The following MYO3B variants were observed in gnomAD, a reference collection of about 807,000 sequenced individuals.
MYO3B encodes myosin IIIB, also known as myosin-IIIb.
A neutral mutation model predicts 174.6 loss-of-function variants in MYO3B; 156 were observed. The observed-to-expected ratio is 0.89, with a 90% CI of 0.78 to 1.02. MYO3B has a LOEUF of 1.02. Among genes scored for constraint, MYO3B ranks in the 50% least tolerant of loss-of-function variants. MYO3B has a pLI of 0.00. For synonymous variants in MYO3B, 563 were observed against 569.1 expected (o/e 0.99, Z 0.15); for missense variants, 1,632 against 1,639.4 (o/e 1.00, Z 0.08).
chr2:170,600,989 C>T (rs1332171374), intron 32 of MYO3B, among the ~76,000 whole-genome samples: 1 of 152,148 alleles, frequency 6.6e-6, no homozygotes, highest in Non-Finnish European at 1.5e-5. Flanking sequence ...TGAAAACTGT[C>T]TCAACTTAAC....
At chr2:170,413,376 G>T (rs2094557894) in intron 22 of MYO3B, among the ~76,000 whole-genome samples, 1 of 152,174 alleles carries the variant, frequency 6.6e-6, no homozygotes, top group African/African-American at 2.4e-5. Context: ...GGACAAGGAG[G>T]AAAGACCTCT....
chr2:170,201,478 G>C (rs936152379), intron 3 of MYO3B, among the ~76,000 whole-genome samples: 1 of 152,204 alleles, frequency 6.6e-6, no homozygotes, highest in African/African-American at 2.4e-5. Context: ...GGGAGGGCCT[G>C]AGCCTGGGAC....
intron 25 of MYO3B, among the ~76,000 whole-genome samples, chr2:170,489,634 G>GGTGTGTGTGTGTGTGTGTGTGTGTGT (rs369174830): frequency 1.7e-3 from 240 of 139,380 alleles, no homozygotes; most frequent in Middle Eastern, 3.6e-3. Context: ...AACCAGTAGG[G>GGTGTGTGTGTGTGTGTGTGTGTGTGT]GTGTGTGTGT....
intron 7 of MYO3B, among the ~76,000 whole-genome samples, chr2:170,244,948 T>C (rs750129490): frequency 5.9e-5 from 9 of 152,046 alleles, no homozygotes; most frequent in Non-Finnish European, 1.3e-4. Context: ...AAAGATTGTG[T>C]TGAGGAACAC....
chr2:170,412,711 C>T lies in MYO3B; in HGVS notation c.2650+4867C>T, dbSNP rs1383574748. Among the ~76,000 whole-genome samples the T allele has an allele frequency of 2.0e-5, 3 of 152,202 alleles. No homozygotes were observed. The East Asian group carries it at 5.8e-4, about 29-fold the overall frequency. ...AGAGCGCCTTTTGGTATCCATCTCT[C>T]AGTTTCCATTTTCCACTTATGGCTG... is the stretch of plus-strand genomic sequence containing the variant. On this transcript the variant is annotated intron_variant, in intron 22 of 34. Transcript: ENST00000408978.
At chr2:170,289,827 G>A (rs2093583922) in intron 7 of MYO3B, among the ~76,000 whole-genome samples, 1 of 151,878 alleles carries the variant, frequency 6.6e-6, no homozygotes, top group East Asian at 1.9e-4. Context: ...TTGATTATAG[G>A]CATTTACTGC....
intron 7 of MYO3B, among the ~76,000 whole-genome samples, chr2:170,268,744 A>G (rs975749879): frequency 5.3e-5 from 8 of 152,140 alleles, no homozygotes; most frequent in African/African-American, 1.9e-4. Flanking sequence ...GAAAGAAAAT[A>G]TTTACAACAC....
intron 7 of MYO3B, among the ~76,000 whole-genome samples, chr2:170,260,126 A>C (rs895166761): frequency 1.3e-5 from 2 of 152,242 alleles, no homozygotes; most frequent in Non-Finnish European, 2.9e-5. Flanking sequence ...ATGGGAATGT[A>C]AATTAGTTAA....
intron 23 of MYO3B, among the ~76,000 whole-genome samples, chr2:170,462,890 TG>T (rs1336477150): frequency 8.8e-4 from 128 of 145,618 alleles, no homozygotes; most frequent in African/African-American, 3.3e-3. Flanking sequence ...ACATGGGAAC[TG>T]TGGGTGGTAG....
intron 25 of MYO3B, among the ~76,000 whole-genome samples, chr2:170,471,563 T>A (rs1054678732): frequency 6.6e-6 from 1 of 152,230 alleles, no homozygotes; most frequent in Non-Finnish European, 1.5e-5. Flanking sequence ...CCATTTGGAT[T>A]TAATTTTTTG....
At chr2:170,458,203 C>A (rs1253532732) in intron 23 of MYO3B, among the ~76,000 whole-genome samples, 3 of 152,232 alleles carry the variant, frequency 2.0e-5, no homozygotes, top group South Asian at 4.1e-4. Flanking sequence ...TCACCACAAA[C>A]ACATGAGTAA....
chr2:170,270,719 T>C (rs1247009958), intron 7 of MYO3B, among the ~76,000 whole-genome samples: 1 of 152,048 alleles, frequency 6.6e-6, no homozygotes, highest in Non-Finnish European at 1.5e-5. Flanking sequence ...GTTGGAATGG[T>C]AGTTTAGGAG....
At chr2:170,308,757 A>G (rs546317043) in intron 7 of MYO3B, among the ~76,000 whole-genome samples, 1 of 151,916 alleles carries the variant, frequency 6.6e-6, no homozygotes, top group Admixed American at 6.6e-5. Flanking sequence ...TCCCTGTTGG[A>G]CTCTCATGCC....
intron 9 of MYO3B, among the ~76,000 whole-genome samples, chr2:170,375,546 A>C (rs1207556274): frequency 2.0e-5 from 3 of 151,252 alleles, no homozygotes; most frequent in Non-Finnish European, 4.4e-5. Context: ...ATGGGTTGTC[A>C]TGTCGCCCTT....
At chr2:170,448,947 T>C (rs898335774) in intron 23 of MYO3B, among the ~76,000 whole-genome samples, 6 of 152,222 alleles carry the variant, frequency 3.9e-5, no homozygotes, top group African/African-American at 1.4e-4. Flanking sequence ...TTATTTGCCA[T>C]ATAGGATCTT....
At chr2:170,471,789 C>T (rs1330410365) in intron 25 of MYO3B, among the ~76,000 whole-genome samples, 3 of 151,936 alleles carry the variant, frequency 2.0e-5, no homozygotes, top group South Asian at 2.1e-4. Context: ...GTTAGGAGTT[C>T]GAGACCAGCC....
chr2:170,249,286 G>A (rs189794275), intron 7 of MYO3B, among the ~76,000 whole-genome samples: 3 of 152,222 alleles, frequency 2.0e-5, no homozygotes, highest in Non-Finnish European at 4.4e-5. Context: ...CTATATAAAC[G>A]GGCCTTTCTA....
intron 1 of MYO3B, among the ~76,000 whole-genome samples, chr2:170,193,205 T>C (rs1445754837): frequency 6.6e-6 from 1 of 152,034 alleles, no homozygotes; most frequent in Non-Finnish European, 1.5e-5. Flanking sequence ...TTTATAAGCT[T>C]ATTATTGATT....
chr2:170,443,375 T>C lies in MYO3B; in HGVS notation c.2651-592T>C, dbSNP rs189142142. Among the ~76,000 whole-genome samples the C allele has an allele frequency of 8.4e-3, 1,287 of 152,368 alleles. 28 individuals carry two copies. Among genetic ancestry groups the C allele is most frequent in the African/African-American group, 0.029 (1,204 of 41,580 alleles). On this transcript the variant is annotated intron_variant, in intron 22 of 34. Coordinates refer to ENST00000408978, the MANE Select transcript of MYO3B (RefSeq NM_138995.5). ...TTTTCTTGTAAATTTAAGTTCTTTA[T>C]AGATTCTGGATATTAGCCCTTTGTT...
Sources: gnomAD v4.1 joint callset for allele counts (sites outside exome capture counted in the v4.1 genomes callset) on GRCh38, gnomAD v4.1.1 for gene constraint, MANE v1.5 for transcripts, NCBI Gene and HGNC (gene_info 2026-07-23, HGNC 2026-07-21) for gene names.